ADRA1B: variants seen among roughly 807,000 people sequenced by gnomAD.
ADRA1B encodes adrenoceptor alpha 1B.
A neutral mutation model predicts 17.9 loss-of-function variants in ADRA1B; 17 were observed. The ratio of observed to expected loss-of-function variants is 0.95; its 90% CI spans 0.65 to 1.42. ADRA1B has a LOEUF of 1.42. Among genes scored for constraint, ADRA1B ranks in the 40% most tolerant of loss-of-function variants. The pLI is 0.00. For synonymous variants in ADRA1B, 366 were observed against 327.6 expected (o/e 1.12, Z -1.27); for missense variants, 681 against 722.1 (o/e 0.94, Z 0.65).
chr5:159,940,687 C>T (rs1162173318), intron 1 of ADRA1B, among the ~76,000 whole-genome samples: 1 of 152,128 alleles, frequency 6.6e-6, no homozygotes, highest in Non-Finnish European at 1.5e-5. Flanking sequence ...TACACACACA[C>T]AAATGCATAC....
chr5:159,889,996 A>C (rs1753964759), intron 1 of ADRA1B, among the ~76,000 whole-genome samples: 1 of 152,236 alleles, frequency 6.6e-6, no homozygotes, highest in African/African-American at 2.4e-5. Context: ...AGACTCTGGC[A>C]CAGAAGCCTC....
At chr5:159,946,395 G>A (rs891989460) in intron 1 of ADRA1B, among the ~76,000 whole-genome samples, 1 of 152,158 alleles carries the variant, frequency 6.6e-6, no homozygotes, top group African/African-American at 2.4e-5. Context: ...AGGGATGGCC[G>A]TGTCAATATT....
the ADRA1B span, among the ~76,000 whole-genome samples, chr5:159,981,328 T>C: frequency 6.6e-6 from 1 of 151,922 alleles, no homozygotes; most frequent in Non-Finnish European, 1.5e-5. Context: ...CCATCAGCTG[T>C]GACAATCAAA....
intron 1 of ADRA1B, chr5:159,869,057 T>C (rs531051991): frequency 5.3e-5 from 8 of 152,320 alleles, no homozygotes; most frequent in Admixed American, 5.2e-4. Flanking sequence ...AAACAACATA[T>C]TGTAGAGAAA....
In ADRA1B at chr5:159,917,424, C is replaced by T; in HGVS notation, c.519C>T (p.Ser173=). ...CGCTGCTCAGTGTCTGGGTCTTGTCCACCGTCATCTCCATCGGGCCTCTCC... is the reference window on the plus strand; with the variant it reads ...CGCTGCTCAGTGTCTGGGTCTTGTCTACCGTCATCTCCATCGGGCCTCTCC... ...ILALLSVWVL[S]TVISIGPLLG... is the part of the protein sequence containing the mutation. Residue 173 remains serine (S), a synonymous_variant, in exon 1 of 2, where the codon TCC becomes TCT. Transcript: ENST00000306675. 1 of 1,614,188 alleles carries T rather than the reference C, an allele frequency of 6.2e-7. No individual in the cohort carries two copies. Among genetic ancestry groups the T allele is most frequent in the Non-Finnish European group, 8.5e-7 (1 of 1,180,038 alleles).
intron 1 of ADRA1B, among the ~76,000 whole-genome samples, chr5:159,947,107 G>A (rs779588503): frequency 2.0e-5 from 3 of 152,172 alleles, no homozygotes; most frequent in African/African-American, 7.2e-5. Context: ...TTGGGAGGCC[G>A]AGGTGGGCAG....
chr5:159,883,485 T>A (rs541413691), intron 1 of ADRA1B, among the ~76,000 whole-genome samples: 2 of 152,206 alleles, frequency 1.3e-5, no homozygotes, highest in Non-Finnish European at 2.9e-5. Flanking sequence ...GGGCAACTCT[T>A]GTTGTCCACT....
At chr5:159,980,138 G>T in the ADRA1B span, among the ~76,000 whole-genome samples, 1 of 152,008 alleles carries the variant, frequency 6.6e-6, no homozygotes, top group Non-Finnish European at 1.5e-5. Flanking sequence ...GTGGTTAGGG[G>T]GCCCTGACAA....
chr5:159,901,772 T>A, intron 1 of ADRA1B, among the ~76,000 whole-genome samples: 1 of 152,118 alleles, frequency 6.6e-6, no homozygotes, highest in East Asian at 1.9e-4. Flanking sequence ...ACATTAATAA[T>A]CATCAGAAAA....
chr5:159,943,663 G>A (rs769413401), intron 1 of ADRA1B, among the ~76,000 whole-genome samples: 2 of 152,068 alleles, frequency 1.3e-5, no homozygotes, highest in Non-Finnish European at 1.5e-5. Context: ...AGAATACTGT[G>A]TGTGACCTAC....
chr5:159,875,530 T>A (rs922337842), intron 1 of ADRA1B, among the ~76,000 whole-genome samples: 5 of 152,192 alleles, frequency 3.3e-5, no homozygotes, highest in Admixed American at 2.6e-4. Context: ...CTTTAAAATT[T>A]CAACATGCAT....
intron 1 of ADRA1B, among the ~76,000 whole-genome samples, chr5:159,882,169 T>C (rs1561581619): frequency 6.6e-6 from 1 of 152,174 alleles, no homozygotes; most frequent in Non-Finnish European, 1.5e-5. Context: ...AATGTGACTG[T>C]TTTGTAAAAT....
At chr5:159,886,218 T>G (rs139355589) in intron 1 of ADRA1B, among the ~76,000 whole-genome samples, 1 of 152,220 alleles carries the variant, frequency 6.6e-6, no homozygotes, top group African/African-American at 2.4e-5. Flanking sequence ...AAGGGACCCA[T>G]AGTCTGCCTT....
chr5:159,963,378 C>G (rs748765467), intron 1 of ADRA1B, among the ~76,000 whole-genome samples: 84 of 151,384 alleles, frequency 5.5e-4, no homozygotes, highest in Non-Finnish European at 1.8e-4. Context: ...GCCTCTGTCA[C>G]AGCTGCCTAT....
chr5:159,926,572 C>T (rs1186243276), intron 1 of ADRA1B, among the ~76,000 whole-genome samples: 1 of 152,120 alleles, frequency 6.6e-6, no homozygotes, highest in African/African-American at 2.4e-5. Flanking sequence ...GATAGGTATT[C>T]ATGCTCTGCC....
intron 1 of ADRA1B, among the ~76,000 whole-genome samples, chr5:159,928,413 G>A (rs559573756): frequency 1.4e-4 from 22 of 152,276 alleles, no homozygotes; most frequent in African/African-American, 5.1e-4. Flanking sequence ...ACCACCCTTT[G>A]AACACTCAAG....
chr5:159,889,133 A>G (rs539157903), intron 1 of ADRA1B, among the ~76,000 whole-genome samples: 73 of 152,326 alleles, frequency 4.8e-4, no homozygotes, highest in Admixed American at 3.1e-3. Flanking sequence ...CCAGTGCTTC[A>G]CACTGACTGA....
chr5:159,872,417 C>A (rs1024094336), intron 1 of ADRA1B, among the ~76,000 whole-genome samples: 1 of 152,134 alleles, frequency 6.6e-6, no homozygotes, highest in Non-Finnish European at 1.5e-5. Flanking sequence ...GAGATAAGAT[C>A]CCTGTGATAC....
At chr5:159,987,056 A>C in the ADRA1B span, among the ~76,000 whole-genome samples, 1 of 152,148 alleles carries the variant, frequency 6.6e-6, no homozygotes, top group Non-Finnish European at 1.5e-5. Context: ...GTCACTTCCC[A>C]GGTGGTTAAC....
Sources: gnomAD v4.1 joint callset for allele counts (sites outside exome capture counted in the v4.1 genomes callset) on GRCh38, gnomAD v4.1.1 for gene constraint, MANE v1.5 for transcripts, NCBI Gene and HGNC (gene_info 2026-07-23, HGNC 2026-07-21) for gene names.